Variants in EIF2AK3 observed in about 807,000 individuals in gnomAD.
EIF2AK3 encodes eukaryotic translation initiation factor 2 alpha kinase 3.
EIF2AK3 carries 50 observed loss-of-function variants against 113.5 expected under a neutral mutation model. That is an observed-to-expected ratio of 0.44 (90% confidence interval 0.35 to 0.56). The LOEUF is 0.56. EIF2AK3 is among the 20% of genes least tolerant of loss of function. The pLI is 0.00. For synonymous variants in EIF2AK3, 448 were observed against 495.4 expected (o/e 0.90, Z 1.27); for missense variants, 1,185 against 1,378.0 (o/e 0.86, Z 2.22).
At chr2:88,610,155 T>C (rs915812636) in intron 2 of EIF2AK3, among the ~76,000 whole-genome samples, 7 of 151,740 alleles carry the variant, frequency 4.6e-5, no homozygotes, top group Admixed American at 2.0e-4. Flanking sequence ...ACAAAACAAC[T>C]TGGATCTGCC....
At chr2:88,598,942 G>C (rs768286114) in intron 2 of EIF2AK3, among the ~76,000 whole-genome samples, 1 of 152,014 alleles carries the variant, frequency 6.6e-6, no homozygotes, top group Non-Finnish European at 1.5e-5. Context: ...AGAAGAGTGA[G>C]AGTGGGCAAG....
At chr2:88,573,048 A>C (rs1674353578) in intron 13 of EIF2AK3, among the ~76,000 whole-genome samples, 3 of 152,154 alleles carry the variant, frequency 2.0e-5, no homozygotes, top group African/African-American at 7.2e-5. Context: ...CATTGAGCTC[A>C]AAGATTTAGG....
chr2:88,616,019 C>A (rs1204368344), intron 1 of EIF2AK3, among the ~76,000 whole-genome samples: 1 of 151,302 alleles, frequency 6.6e-6, no homozygotes, highest in African/African-American at 2.4e-5. Context: ...CAGGTCACCA[C>A]GCTCTTTTTT....
intron 8 of EIF2AK3, among the ~76,000 whole-genome samples, chr2:88,586,595 C>CTTT (rs533167763): frequency 2.5e-5 from 3 of 119,928 alleles, no homozygotes; most frequent in African/African-American, 6.3e-5. Flanking sequence ...TTTATCTTGC[C>CTTT]TTTTTTTTTT....
intron 15 of EIF2AK3, among the ~76,000 whole-genome samples, chr2:88,560,449 C>T (rs1440108390): frequency 2.0e-5 from 3 of 152,148 alleles, no homozygotes; most frequent in Non-Finnish European, 4.4e-5. Context: ...GATAGGGTCT[C>T]ATGGTGCCCA....
Position 88,575,528 on chromosome 2 carries a change from C to G in EIF2AK3, c.2037-82G>C, listed in dbSNP as rs1674436263. On this transcript the variant is annotated intron_variant, in intron 12 of 16. Coordinates refer to ENST00000303236, the MANE Select transcript of EIF2AK3 (RefSeq NM_004836.7). ...TGAACTGCACCCTCTGTTTAAAAAG[C>G]TTCAACTGTAATAAGGCCACTTACC... 2.0e-6 allele frequency: 3 copies of G among 1,493,720 alleles called. No individual in the cohort carries two copies. The South Asian group carries it at 3.4e-5, about 17-fold the overall frequency. The allele number at this position is 1,493,720 out of a possible 1,614,324, so 92.5% of individuals were successfully genotyped here.
At chr2:88,608,893 TTTTTTGTA>T (rs1675360662) in intron 2 of EIF2AK3, among the ~76,000 whole-genome samples, 2 of 150,286 alleles carry the variant, frequency 1.3e-5, no homozygotes, top group Non-Finnish European at 3.0e-5. Flanking sequence ...TTTTTTTTTT[TTTTTTGTA>T]TTTTGTATTT....
chr2:88,612,098 A>G (rs1675471562), intron 2 of EIF2AK3, among the ~76,000 whole-genome samples: 1 of 152,218 alleles, frequency 6.6e-6, no homozygotes, highest in Non-Finnish European at 1.5e-5. Context: ...TATAACGGCT[A>G]TGTGTAAGAA....
chr2:88,600,322 C>T (rs1573412682), intron 2 of EIF2AK3, among the ~76,000 whole-genome samples: 1 of 152,106 alleles, frequency 6.6e-6, no homozygotes, highest in African/African-American at 2.4e-5. Context: ...ACCTCACCCC[C>T]TAAGCATAGG....
chr2:88,613,145 G>A (rs1675494313), intron 2 of EIF2AK3, among the ~76,000 whole-genome samples: 1 of 152,158 alleles, frequency 6.6e-6, no homozygotes, highest in Non-Finnish European at 1.5e-5. Context: ...TGAGGGGCTT[G>A]AAGTCATGTG....
chr2:88,567,420 G>A (rs1558645091), intron 14 of EIF2AK3, among the ~76,000 whole-genome samples: 2 of 152,110 alleles, frequency 1.3e-5, no homozygotes, highest in East Asian at 3.8e-4. Flanking sequence ...GCCAAACTTA[G>A]CTACATCAAG....
chr2:88,625,769 A>C (rs1254027534), intron 1 of EIF2AK3, among the ~76,000 whole-genome samples: 1 of 152,196 alleles, frequency 6.6e-6, no homozygotes, highest in Non-Finnish European at 1.5e-5. Context: ...GAGCTTCAGA[A>C]ATTTATGATA....
At chr2:88,609,986 G>A (rs72846130) in intron 2 of EIF2AK3, among the ~76,000 whole-genome samples, 4,339 of 148,950 alleles carry the variant, frequency 0.029, 86 homozygotes, top group Middle Eastern at 0.056. Context: ...GCTGAGCTTG[G>A]TGGCAAGCGC....
rs763604716 is a variant in EIF2AK3, at chr2:88,590,563, T to C, written c.1045A>G (p.Lys349Glu). The C allele has an allele frequency of 6.2e-7, 1 of 1,613,380 alleles. No individual in the cohort carries two copies. ...TCAAAAAGACTGATGGGAATGACTT[T>C]CCCATCCTTAAGTAACCAGGCAGAT... Reference protein sequence around the residue: ...IASAWLLKDGKVIPISLFDDT... With the variant: ...IASAWLLKDGEVIPISLFDDT... The change falls in exon 6 of 17, where the codon AAA (lysine) becomes GAA (glutamate). Residue 349 changes from lysine (K) to glutamate (E), a missense_variant. This residue lies in a region of EIF2AK3 where 877 missense variants were observed against 1,024.2 expected (regional missense o/e 0.86). Transcript: ENST00000303236.
At chr2:88,623,614 A>C (rs1374504352) in intron 1 of EIF2AK3, among the ~76,000 whole-genome samples, 1 of 152,196 alleles carries the variant, frequency 6.6e-6, no homozygotes, top group African/African-American at 2.4e-5. Flanking sequence ...GGTTAATTCA[A>C]ATCTGTTCCC....
At chr2:88,606,312 A>AG (rs1675274774) in intron 2 of EIF2AK3, among the ~76,000 whole-genome samples, 1 of 148,084 alleles carries the variant, frequency 6.8e-6, no homozygotes, top group African/African-American at 2.6e-5. Flanking sequence ...AAAAAATAAA[A>AG]TAAAAAATAA....
chr2:88,575,038 A>G lies in EIF2AK3; in HGVS notation c.2445T>C (p.Asn815=), dbSNP rs771368270. The G allele has an allele frequency of 1.1e-5, 17 of 1,614,208 alleles. No individual in the cohort carries two copies. The East Asian group carries it at 3.8e-4, about 36-fold the overall frequency. Residue 815 remains asparagine, a synonymous_variant, in exon 13 of 17, where the codon AAT becomes AAC. Transcript: ENST00000303236. The part of the protein sequence containing the change: ...SIVFEDSGCD[N]ASSKEEPKTN... ...TTTTCGGCTCTTCTTTACTGGAAGCATTATCACAGCCAGAATCTTCAAATA... is the reference window on the plus strand; with the variant it reads ...TTTTCGGCTCTTCTTTACTGGAAGCGTTATCACAGCCAGAATCTTCAAATA...
At chr2:88,606,583 G>C (rs753466995) in intron 2 of EIF2AK3, among the ~76,000 whole-genome samples, 1 of 152,146 alleles carries the variant, frequency 6.6e-6, no homozygotes, top group Non-Finnish European at 1.5e-5. Flanking sequence ...GCTAGTTTGC[G>C]TGCAAATGAA....
intron 6 of EIF2AK3, among the ~76,000 whole-genome samples, chr2:88,589,779 G>T (rs1674836342): frequency 1.3e-5 from 2 of 151,828 alleles, no homozygotes; most frequent in African/African-American, 4.8e-5. Flanking sequence ...TAACTCCTGG[G>T]GTCAAGCGAT....
Sources: allele counts gnomAD v4.1 joint callset (sites outside exome capture counted in the v4.1 genomes callset), GRCh38; gene constraint gnomAD v4.1.1; regional missense constraint gnomAD v4.1.1; transcripts MANE v1.5; gene names NCBI Gene and HGNC (gene_info 2026-07-23, HGNC 2026-07-21).